ADAMTS2: variants seen among roughly 807,000 people sequenced by gnomAD.
ADAMTS2 encodes the protein A disintegrin and metalloproteinase with thrombospondin motifs 2.
ADAMTS2 carries 50 observed loss-of-function variants against 123.0 expected under a neutral mutation model. The ratio of observed to expected loss-of-function variants is 0.41; its 90% CI spans 0.32 to 0.51. The LOEUF is 0.51. Ranked by LOEUF, ADAMTS2 falls within the 20% of genes least tolerant of loss-of-function variation. The pLI is 0.35. For synonymous variants in ADAMTS2, 678 were observed against 695.4 expected (o/e 0.98, Z 0.39); for missense variants, 1,494 against 1,705.2 (o/e 0.88, Z 2.18).
At chr5:179,224,055 G>A (rs1313957594) in intron 3 of ADAMTS2, among the ~76,000 whole-genome samples, 12 of 152,232 alleles carry the variant, frequency 7.9e-5, no homozygotes, top group African/African-American at 2.7e-4. Context: ...GTAGGACGAG[G>A]CGCAGCGTGG....
Position 179,339,314 on chromosome 5 carries a change from G to A in ADAMTS2, c.534+4453C>T, listed in dbSNP as rs543476740. ...CTCAAAGGTTGCCTCCTTGGAAAAC[G>A]AGTTGGGCCTGGAGCCGCTGGTGGG... On this transcript the variant is annotated intron_variant, in intron 2 of 21. Coordinates refer to ENST00000251582, the MANE Select transcript of ADAMTS2 (RefSeq NM_014244.5). 1.4e-4 allele frequency among the ~76,000 whole-genome samples: 22 copies of A among 152,280 alleles called. No individual in the cohort carries two copies. In the East Asian group the frequency reaches 2.3e-3, roughly 16 times the overall value.
At chr5:179,290,553 C>T (rs1756155944) in intron 2 of ADAMTS2, among the ~76,000 whole-genome samples, 1 of 152,236 alleles carries the variant, frequency 6.6e-6, no homozygotes, top group Non-Finnish European at 1.5e-5. Context: ...TTCTACGTTG[C>T]ATACGGAGGA....
chr5:179,270,706 C>T (rs926840422), intron 3 of ADAMTS2, among the ~76,000 whole-genome samples: 2 of 152,236 alleles, frequency 1.3e-5, no homozygotes, highest in African/African-American at 4.8e-5. Flanking sequence ...CTCCACCCAG[C>T]TCCGGCACTC....
rs569615990 is a variant in ADAMTS2, at chr5:179,162,928, G to A, written c.976-4049C>T. Among the ~76,000 whole-genome samples the A allele has an allele frequency of 6.6e-6, 1 of 152,204 alleles. No homozygotes were observed. Among genetic ancestry groups the A allele is most frequent in the African/African-American group, 2.4e-5 (1 of 41,450 alleles). On this transcript the variant is annotated intron_variant, in intron 5 of 21. Coordinates refer to ENST00000251582, the MANE Select transcript of ADAMTS2 (RefSeq NM_014244.5). This position sits in a 1 kb window ranked among gnomAD's most constrained non-coding sequence, Gnocchi z 5.1. Reference sequence around the variant, plus strand: ...CGCTGGCCCATGAAAGATGGCGTCTGATCTGGGGGCAGCTGATATGTTCTG... The same window carrying A: ...CGCTGGCCCATGAAAGATGGCGTCTAATCTGGGGGCAGCTGATATGTTCTG...
intron 19 of ADAMTS2, 26 bp downstream of exon 19, chr5:179,124,947 G>A (rs1305101196): frequency 1.9e-6 from 3 of 1,600,882 alleles, no homozygotes; most frequent in Non-Finnish European, 1.7e-6. Flanking sequence ...TTGGAGCTGA[G>A]GACACGGGAT....
Position 179,345,422 on chromosome 5 carries a change from C to G in ADAMTS2, c.-94G>C, listed in dbSNP as rs1174255365. On this transcript the variant is annotated 5_prime_UTR_variant, in exon 1 of 22. Transcript: ENST00000251582. This position sits in a 1 kb window ranked among gnomAD's most constrained non-coding sequence, Gnocchi z 7.5. ...CCACATCTGGGGGCAGCTGGAGCCG[C>G]CCGCAGCTGCAGCACCGCAGGGCGC... 1 of 1,035,932 alleles carries G rather than the reference C, an allele frequency of 9.7e-7. No homozygotes were observed. 64.2% of individuals were successfully genotyped at this position (1,035,932 alleles called of 1,614,324 possible). A position where few individuals can be genotyped will look rare whatever the true frequency, so the allele number is the denominator to read the frequency against.
intron 3 of ADAMTS2, among the ~76,000 whole-genome samples, chr5:179,239,758 T>A (rs1187739612): frequency 2.6e-5 from 4 of 152,004 alleles, no homozygotes; most frequent in African/African-American, 9.6e-5. Flanking sequence ...CCTGGGCGCA[T>A]CAACCCCAGA....
At chr5:179,341,400 G>A (rs76429249) in intron 2 of ADAMTS2, 5 of 342,286 alleles carry the variant, frequency 1.5e-5, no homozygotes, top group South Asian at 7.0e-5. Flanking sequence ...AGAGAAAGAG[G>A]ACAAGCGAAA....
chr5:179,207,978 C>A (rs1189450806), intron 3 of ADAMTS2, among the ~76,000 whole-genome samples: 1 of 152,186 alleles, frequency 6.6e-6, no homozygotes, highest in Admixed American at 6.5e-5. Flanking sequence ...ACCCCAGCCA[C>A]AGCAGGGGCC....
At chr5:179,273,718 C>T (rs1407090720) in intron 2 of ADAMTS2, among the ~76,000 whole-genome samples, 1 of 152,088 alleles carries the variant, frequency 6.6e-6, no homozygotes, top group Non-Finnish European at 1.5e-5. Flanking sequence ...GTCTCTCCTG[C>T]TCTCTGTGTC....
intron 3 of ADAMTS2, among the ~76,000 whole-genome samples, chr5:179,218,024 TC>T (rs1419215992): frequency 5.3e-5 from 8 of 151,848 alleles, no homozygotes; most frequent in Non-Finnish European, 1.5e-5. Flanking sequence ...TGCTTAGGAG[TC>T]CCCAAAACGT....
At chr5:179,283,549 C>CAAAAAAAAAAAAA (rs3986816) in intron 2 of ADAMTS2, among the ~76,000 whole-genome samples, 2 of 51,322 alleles carry the variant, frequency 3.9e-5, no homozygotes, top group African/African-American at 9.5e-5. Flanking sequence ...AGAAAAACAG[C>CAAAAAAAAAAAAA]AAAAAAAAAA....
In ADAMTS2 at chr5:179,272,270, G is replaced by A. The variant is rs1192679661; in HGVS notation, c.688+641C>T. ...CCTGGCAGCTCCTTTCACGTTTCTGGGCCCAGGGCACACGTGGGTTCTGAG... is the reference window on the plus strand; with the variant it reads ...CCTGGCAGCTCCTTTCACGTTTCTGAGCCCAGGGCACACGTGGGTTCTGAG... On this transcript the variant is annotated intron_variant, in intron 3 of 21. Transcript: ENST00000251582. The surrounding 1 kb of genome is among the most constrained non-coding windows in gnomAD (Gnocchi z 5.8). Among the ~76,000 whole-genome samples, 1 of 152,204 alleles carries A rather than the reference G, an allele frequency of 6.6e-6. No homozygotes were observed. Among genetic ancestry groups the A allele is most frequent in the Non-Finnish European group, 1.5e-5 (1 of 68,042 alleles).
intron 2 of ADAMTS2, among the ~76,000 whole-genome samples, chr5:179,275,804 C>T (rs1007971253): frequency 4.6e-5 from 7 of 152,212 alleles, no homozygotes; most frequent in Non-Finnish European, 8.8e-5. Flanking sequence ...TGTGAGAGAA[C>T]GAATTCCTGC....
chr5:179,309,824 C>T (rs558987465), intron 2 of ADAMTS2, among the ~76,000 whole-genome samples: 11 of 151,124 alleles, frequency 7.3e-5, no homozygotes, highest in South Asian at 4.2e-4. Flanking sequence ...GTCACCTCTC[C>T]GTGCCTCAGT....
chr5:179,174,777 A>C (rs1251690348), intron 5 of ADAMTS2, among the ~76,000 whole-genome samples: 1 of 151,772 alleles, frequency 6.6e-6, no homozygotes, highest in Non-Finnish European at 1.5e-5. Flanking sequence ...GCCATTCTTG[A>C]CCGTTCATGT....
At chr5:179,125,493 G>A (rs1000717294) in intron 18 of ADAMTS2, among the ~76,000 whole-genome samples, 2 of 152,158 alleles carry the variant, frequency 1.3e-5, no homozygotes, top group Non-Finnish European at 1.5e-5. Context: ...CCTCCTTAGG[G>A]TCTGGGCCCT....
At position 179,302,263 on chromosome 5, in the gene ADAMTS2, C is replaced by T. The variant is rs557111499; in HGVS notation, c.535-29199G>A. On this transcript the variant is annotated intron_variant, in intron 2 of 21. Coordinates refer to ENST00000251582, the MANE Select transcript of ADAMTS2 (RefSeq NM_014244.5). The stretch of plus-strand genomic sequence containing the variant: ...GATCATGAGGTCAGGAGATGGAGAC[C>T]ATCCTGGCTAACACAGTGAAACCCC... Among the ~76,000 whole-genome samples, 8 of 151,484 alleles carry T rather than the reference C, an allele frequency of 5.3e-5. No individual in the cohort carries two copies. In the East Asian group the frequency reaches 1.4e-3, roughly 26 times the overall value.
At chr5:179,251,174 T>C (rs1347375496) in intron 3 of ADAMTS2, among the ~76,000 whole-genome samples, 1 of 152,126 alleles carries the variant, frequency 6.6e-6, no homozygotes, top group Non-Finnish European at 1.5e-5. Flanking sequence ...TTCCATCCCT[T>C]ACCTAGAAAC....
Sources: allele counts gnomAD v4.1 joint callset (sites outside exome capture counted in the v4.1 genomes callset), GRCh38; gene constraint gnomAD v4.1.1; non-coding constraint Gnocchi (gnomAD v3.1); transcripts MANE v1.5; gene names NCBI Gene and HGNC (gene_info 2026-07-23, HGNC 2026-07-21).